The following KCNMB2 variants were observed in gnomAD, a reference collection of about 807,000 sequenced individuals.
KCNMB2 encodes potassium calcium-activated channel subfamily M regulatory beta subunit 2, also known as calcium-activated potassium channel subunit beta-2.
A neutral mutation model predicts 24.5 loss-of-function variants in KCNMB2; 9 were observed. The ratio of observed to expected loss-of-function variants is 0.37; its 90% CI spans 0.22 to 0.64. The LOEUF is 0.64. Among genes scored for constraint, KCNMB2 ranks in the 30% least tolerant of loss-of-function variants. The probability of loss-of-function intolerance (pLI) is 0.63; values close to 1 mark genes in which losing one functional copy is unlikely to be tolerated. For missense variants in KCNMB2, 226 were observed against 284.3 expected (o/e 0.79, Z 1.47); for synonymous variants, 109 against 104.4 (o/e 1.04, Z -0.27).
intron 1 of KCNMB2, among the ~76,000 whole-genome samples, chr3:178,787,300 A>G (rs1049630409): frequency 3.9e-5 from 6 of 152,202 alleles, no homozygotes; most frequent in African/African-American, 7.2e-5. Flanking sequence ...ACTCACATGT[A>G]TATCATATAT....
At chr3:178,577,975 C>T (rs758576623) in intron 1 of KCNMB2, among the ~76,000 whole-genome samples, 2 of 152,172 alleles carry the variant, frequency 1.3e-5, no homozygotes, top group Non-Finnish European at 2.9e-5. Flanking sequence ...TCCAGGAGAA[C>T]TTCCCCAACC....
intron 1 of KCNMB2, among the ~76,000 whole-genome samples, chr3:178,543,148 T>C (rs944646496): frequency 6.6e-6 from 1 of 152,192 alleles, no homozygotes; most frequent in Non-Finnish European, 1.5e-5. Flanking sequence ...CCAAATTCAT[T>C]CAATAGATGT....
chr3:178,588,487 C>A (rs187170535), intron 1 of KCNMB2, among the ~76,000 whole-genome samples: 3 of 152,244 alleles, frequency 2.0e-5, no homozygotes, highest in African/African-American at 7.2e-5. Flanking sequence ...TATTCCTCTA[C>A]AGAAGCAAGT....
intron 1 of KCNMB2, among the ~76,000 whole-genome samples, chr3:178,643,679 C>T (rs1475627124): frequency 6.6e-6 from 1 of 152,224 alleles, no homozygotes; most frequent in Non-Finnish European, 1.5e-5. Context: ...CCACAGGAAA[C>T]AGTAGGTTCC....
intron 1 of KCNMB2, among the ~76,000 whole-genome samples, chr3:178,792,375 A>C (rs988135638): frequency 2.6e-5 from 4 of 152,190 alleles, no homozygotes; most frequent in African/African-American, 9.7e-5. Flanking sequence ...TGTTATTTGC[A>C]AGCCTCATGG....
intron 1 of KCNMB2, among the ~76,000 whole-genome samples, chr3:178,694,542 T>C (rs1721806783): frequency 6.6e-6 from 1 of 152,188 alleles, no homozygotes. Context: ...GCAAGTTAGT[T>C]ACTTCCTAGA....
At chr3:178,667,573 A>G (rs1720762760) in intron 1 of KCNMB2, among the ~76,000 whole-genome samples, 1 of 152,114 alleles carries the variant, frequency 6.6e-6, no homozygotes, top group African/African-American at 2.4e-5. Context: ...TTGTTGTAGC[A>G]GCACAAAACA....
At chr3:178,611,559 G>T (rs142334146) in intron 1 of KCNMB2, among the ~76,000 whole-genome samples, 104 of 152,160 alleles carry the variant, frequency 6.8e-4, no homozygotes, top group African/African-American at 2.5e-3. Flanking sequence ...AAAAATATTA[G>T]CTGGACGTGG....
At chr3:178,593,345 C>G (rs142216648) in intron 1 of KCNMB2, among the ~76,000 whole-genome samples, 1 of 152,208 alleles carries the variant, frequency 6.6e-6, no homozygotes, top group African/African-American at 2.4e-5. Context: ...TATCACCTGA[C>G]TCAGTTCCTT....
intron 1 of KCNMB2, among the ~76,000 whole-genome samples, chr3:178,738,916 C>A (rs1357759389): frequency 2.0e-5 from 3 of 149,732 alleles, no homozygotes; most frequent in African/African-American, 7.4e-5. Flanking sequence ...CCATGATGTG[C>A]CTGCAATGAA....
intron 1 of KCNMB2, among the ~76,000 whole-genome samples, chr3:178,610,435 C>T (rs946699689): frequency 1.3e-5 from 2 of 152,090 alleles, no homozygotes; most frequent in East Asian, 1.9e-4. Context: ...CCTTAATCAG[C>T]GTTTTACAGT....
In KCNMB2 at chr3:178,825,606, C is replaced by G. The variant is rs1714801673; in HGVS notation, c.75C>G (p.Ile25Met). Residue 25 changes from isoleucine to methionine, a missense_variant, in exon 3 of 5, where the codon ATC (isoleucine) becomes ATG (methionine). By Grantham distance (10) the Ile-to-Met change is conservative (BLOSUM62 1). Coordinates refer to ENST00000452583, the MANE Select transcript of KCNMB2 (RefSeq NM_181361.3). Reference protein sequence around the residue: ...HDEKRNIYQKIRDHDLLDKRK... With the variant: ...HDEKRNIYQKMRDHDLLDKRK... ...ACCTCAGAAATATTTACCAGAAAAT[C>G]AGGGACCATGACCTCCTGGACAAAA... 1 of 1,612,676 alleles carries G rather than the reference C, an allele frequency of 6.2e-7. No homozygotes were observed. The highest frequency in any genetic ancestry group is 1.3e-5 in the African/African-American group (1 of 74,848).
At chr3:178,587,739 CTTT>C in intron 1 of KCNMB2, among the ~76,000 whole-genome samples, 1 of 142,766 alleles carries the variant, frequency 7.0e-6, no homozygotes, top group African/African-American at 2.6e-5. Context: ...AGCCAGTAAT[CTTT>C]TTTTTTTTTT....
chr3:178,651,701 T>C (rs1720127437), intron 1 of KCNMB2, among the ~76,000 whole-genome samples: 1 of 152,280 alleles, frequency 6.6e-6, no homozygotes, highest in African/African-American at 2.4e-5. Flanking sequence ...CAAAACAGCA[T>C]GGTACTGGTA....
intron 1 of KCNMB2, among the ~76,000 whole-genome samples, chr3:178,761,404 C>T (rs183263471): frequency 1.3e-5 from 2 of 152,292 alleles, no homozygotes; most frequent in Admixed American, 1.3e-4. Context: ...CATCATTTCC[C>T]CATAAATCTT....
At chr3:178,579,308 T>G (rs994659407) in intron 1 of KCNMB2, among the ~76,000 whole-genome samples, 1 of 152,162 alleles carries the variant, frequency 6.6e-6, no homozygotes, top group African/African-American at 2.4e-5. Flanking sequence ...ATAAGTAAGT[T>G]CTTTGAAACT....
chr3:178,571,154 C>A (rs1716764567), intron 1 of KCNMB2, among the ~76,000 whole-genome samples: 1 of 151,724 alleles, frequency 6.6e-6, no homozygotes, highest in Non-Finnish European at 1.5e-5. Context: ...CAATTTTATT[C>A]TTTCTACTTT....
chr3:178,593,199 C>T (rs1717741686), intron 1 of KCNMB2, among the ~76,000 whole-genome samples: 1 of 151,986 alleles, frequency 6.6e-6, no homozygotes, highest in African/African-American at 2.4e-5. Context: ...GGCACATATT[C>T]AACCTGGATT....
At chr3:178,720,975 TTAA>T (rs1559988859) in intron 1 of KCNMB2, among the ~76,000 whole-genome samples, 1 of 152,060 alleles carries the variant, frequency 6.6e-6, no homozygotes, top group Non-Finnish European at 1.5e-5. Context: ...GCTCTTTAGT[TTAA>T]TTAGATCCCA....
Sources: gnomAD v4.1 joint callset for allele counts (sites outside exome capture counted in the v4.1 genomes callset) on GRCh38, gnomAD v4.1.1 for gene constraint, MANE v1.5 for transcripts, NCBI Gene and HGNC (gene_info 2026-07-23, HGNC 2026-07-21) for gene names.